The following PPP1R16A variants were observed in gnomAD, a reference collection of about 807,000 sequenced individuals.
PPP1R16A encodes the protein myosin phosphatase-targeting subunit 3.
In PPP1R16A, 39 loss-of-function variants were observed where a neutral mutation model predicts 46.6. The ratio of observed to expected loss-of-function variants is 0.84; its 90% CI spans 0.65 to 1.09. The LOEUF (loss-of-function observed/expected upper bound fraction) is 1.09. PPP1R16A is among the 50% of genes least tolerant of loss of function. The pLI is 0.00. For synonymous variants in PPP1R16A, 413 were observed against 321.5 expected, an observed-to-expected ratio of 1.28 and a Z score of -3.04; for missense variants, 798 against 735.6, an observed-to-expected ratio of 1.08 and a Z score of -0.98.
chr8:144,487,057 G>A (rs1825649005), intron 1 of PPP1R16A, among the ~76,000 whole-genome samples: 2 of 151,224 alleles, frequency 1.3e-5, no homozygotes. Context: ...GTGTGATCTC[G>A]GCTCACTGCA....
rs1271167162 is a variant in PPP1R16A, at chr8:144,501,704, G to A, written c.1388G>A (p.Arg463Gln). 2.5e-6 allele frequency: 4 copies of A among 1,601,238 alleles called. No individual in the cohort carries two copies. The highest frequency in any genetic ancestry group is 3.4e-6 in the Non-Finnish European group (4 of 1,175,042). Residue 463 changes from arginine (R) to glutamine (Q), a missense_variant, in exon 12 of 12, where the codon CGA (arginine) becomes CAA (glutamine). Transcript: ENST00000435887. ...HHTLADLKRQ[R>Q]AAAKLQRPPP... is the part of the protein sequence containing the mutation. ...ACCCTGGCTGACCTGAAGCGCCAGC[G>A]AGCTGCTGCCAAGCTGCAGCGACCC...
rs1157138356 is a variant in PPP1R16A at position 144,493,639 on chromosome 8, G to A, written c.-734-2822G>A. ...GCTTCCTTCTGAGGGTGATTCCTGG[G>A]CAGGGAGGCCAGAGGGGGACGCTTA... On this transcript the variant is annotated intron_variant, in intron 2 of 11. Coordinates refer to ENST00000435887, the MANE Select transcript of PPP1R16A (RefSeq NM_001329443.2). This position sits in a 1 kb window ranked among gnomAD's most constrained non-coding sequence, Gnocchi z 4.3. 2.0e-5 allele frequency among the ~76,000 whole-genome samples: 3 copies of A among 152,100 alleles called. No individual in the cohort carries two copies. The highest frequency in any genetic ancestry group is 1.3e-4 in the Admixed American group (2 of 15,284).
Position 144,500,918 on chromosome 8 carries a change from G to A in PPP1R16A, c.984G>A (p.Gln328=), listed in dbSNP as rs777241995. ...KHKHDALLRA[Q]SRQRSLLRRR... is the part of the protein sequence containing the mutation. ...AGCACGACGCCCTCCTGCGCGCCCA[G>A]AGCCGCCAGCGCTCCTTGCTGCGCC... The change falls in exon 10 of 12, where the codon CAG becomes CAA. Residue 328 remains glutamine, a synonymous_variant. Coordinates refer to ENST00000435887, the MANE Select transcript of PPP1R16A (RefSeq NM_001329443.2). The A allele has an allele frequency of 2.4e-5, 36 of 1,531,440 alleles. 1 individual carries two copies. The South Asian group carries it at 4.1e-4, about 17-fold the overall frequency. The allele number at this position is 1,531,440 out of a possible 1,614,324, so 94.9% of individuals were successfully genotyped here.
At position 144,499,454 on chromosome 8, in the gene PPP1R16A, C is replaced by T. The variant is rs770947301; in HGVS notation, c.476+393C>T. ...GGCCTTTACCTTTAACACAGAGGGA[C>T]GTAGAGCGGGGGGAACTCTGAGCAG... is the stretch of plus-strand genomic sequence containing the variant. On this transcript the variant is annotated intron_variant, in intron 5 of 11. Transcript: ENST00000435887. 1.8e-5 allele frequency: 4 copies of T among 221,546 alleles called. No homozygotes were observed. In the South Asian group the frequency reaches 3.4e-4, roughly 19 times the overall value. The allele number at this position is 221,546 out of a possible 1,614,324, so 13.7% of individuals were successfully genotyped here.
chr8:144,497,236 G>T lies in PPP1R16A; in HGVS notation c.42G>T (p.Val14=). ...HLELLAEMPM[V]GRMSTQERLK... is the part of the protein sequence containing the mutation. ...AGCTGCTGGCAGAGATGCCCATGGT[G>T]GGCAGGATGAGCACACAGGAGCGGC... is the stretch of plus-strand genomic sequence containing the variant. The change falls in exon 3 of 12, where the codon GTG becomes GTT. Residue 14 remains valine (V), a synonymous_variant. Coordinates refer to ENST00000435887, the MANE Select transcript of PPP1R16A (RefSeq NM_001329443.2). 6.2e-7 allele frequency: 1 copy of T among 1,602,792 alleles called. No individual in the cohort carries two copies. The highest frequency in any genetic ancestry group is 2.3e-5 in the East Asian group (1 of 44,304).
At chr8:144,487,833 G>A (rs1404180063) in intron 1 of PPP1R16A, among the ~76,000 whole-genome samples, 1 of 152,186 alleles carries the variant, frequency 6.6e-6, no homozygotes, top group Non-Finnish European at 1.5e-5. Context: ...TTGGCCTTTT[G>A]TGTTTCCATA....
chr8:144,492,211 G>A lies in PPP1R16A; in HGVS notation c.-735+1999G>A, dbSNP rs896313739. Among the ~76,000 whole-genome samples, 3 of 152,312 alleles carry A rather than the reference G, an allele frequency of 2.0e-5. No individual in the cohort carries two copies. The East Asian group carries it at 5.8e-4, about 29-fold the overall frequency. ...CACTCGGGCTTTCACCCTGCGATGTGCGGCCAGAGGGCAGGCAGGCTCACT... is the reference window on the plus strand; with the variant it reads ...CACTCGGGCTTTCACCCTGCGATGTACGGCCAGAGGGCAGGCAGGCTCACT... On this transcript the variant is annotated intron_variant, in intron 2 of 11. Transcript: ENST00000435887.
At chr8:144,494,401 C>T (rs556311075) in intron 2 of PPP1R16A, among the ~76,000 whole-genome samples, 1 of 152,146 alleles carries the variant, frequency 6.6e-6, no homozygotes, top group African/African-American at 2.4e-5. Context: ...CAGCCTCTAC[C>T]TCCCGGGCTC....
At chr8:144,485,054 C>T (rs914628172) in intron 1 of PPP1R16A, among the ~76,000 whole-genome samples, 2 of 151,816 alleles carry the variant, frequency 1.3e-5, no homozygotes, top group Non-Finnish European at 2.9e-5. Context: ...GAATCTCATG[C>T]CAGGGGCCAG....
Position 144,490,379 on chromosome 8 carries a change from G to A in PPP1R16A, c.-735+167G>A, listed in dbSNP as rs1321580597. ...AAAATTAGCCTGTGTGGTGGTGGGC[G>A]TCTGTAATCCCAGCTACTTGGGAGA... On this transcript the variant is annotated intron_variant, in intron 2 of 11. Transcript: ENST00000435887. 4.6e-5 allele frequency among the ~76,000 whole-genome samples: 7 copies of A among 152,300 alleles called. No homozygotes were observed. In the South Asian group the frequency reaches 1.2e-3, roughly 27 times the overall value.
intron 2 of PPP1R16A, among the ~76,000 whole-genome samples, chr8:144,492,150 G>A (rs753958452): frequency 6.6e-6 from 1 of 152,126 alleles, no homozygotes; most frequent in Admixed American, 6.5e-5. Flanking sequence ...CGGGGCTCCC[G>A]TGCTGACCGC....
rs1486723450 is a variant in PPP1R16A at position 144,500,493 on chromosome 8, G to C, written c.712G>C (p.Val238Leu). ...GCCGGGCGCTTGCCTGCAGCTGCACGTCGCAGCCGCCAACGGGTTCAGCGA... is the reference window on the plus strand; with the variant it reads ...GCCGGGCGCTTGCCTGCAGCTGCACCTCGCAGCCGCCAACGGGTTCAGCGA... Reference protein sequence around the residue: ...PLDHGATLLHVAAANGFSEAA... With the variant: ...PLDHGATLLHLAAANGFSEAA... Residue 238 changes from valine (V) to leucine (L), a missense_variant, in exon 8 of 12, where the codon GTC becomes CTC. Physicochemically the swap from Val to Leu is conservative, Grantham distance 32. Transcript: ENST00000435887. The C allele has an allele frequency of 6.3e-7, 1 of 1,582,848 alleles. No individual in the cohort carries two copies. The highest frequency in any genetic ancestry group is 8.5e-7 in the Non-Finnish European group (1 of 1,172,950).
At chr8:144,487,152 T>A (rs1231333743) in intron 1 of PPP1R16A, among the ~76,000 whole-genome samples, 2 of 152,098 alleles carry the variant, frequency 1.3e-5, no homozygotes, top group Non-Finnish European at 2.9e-5. Context: ...CACAACCGGC[T>A]AATTTTTTGT....
intron 1 of PPP1R16A, chr8:144,478,434 G>T: frequency 3.4e-6 from 1 of 290,630 alleles, no homozygotes; most frequent in Non-Finnish European, 6.4e-6. Context: ...GTTGCTGGCT[G>T]AGGCCCAGGG....
chr8:144,497,278 G>A lies in PPP1R16A; in HGVS notation c.84G>A (p.Lys28=), dbSNP rs762602393. Residue 28 remains lysine, a synonymous_variant, in exon 3 of 12, where the codon AAG becomes AAA. Coordinates refer to ENST00000435887, the MANE Select transcript of PPP1R16A (RefSeq NM_001329443.2). ...AGGAGCGGCTGAAGCATGCCCAGAA[G>A]CGGCGCGCCCAGCAGGTGAAGATGT... ...STQERLKHAQ[K]RRAQQVKMWA... The A allele has an allele frequency of 1.4e-5, 22 of 1,611,258 alleles. No individual in the cohort carries two copies. The highest frequency in any genetic ancestry group is 1.8e-5 in the Non-Finnish European group (21 of 1,179,370).
chr8:144,499,346 T>A (rs1826277728), intron 5 of PPP1R16A: 3 of 465,308 alleles, frequency 6.4e-6, no homozygotes, highest in Non-Finnish European at 1.1e-5. Flanking sequence ...TCTTGGTCAG[T>A]GAGGAGGGCA....
At chr8:144,489,772 C>G (rs1011652759) in intron 1 of PPP1R16A, among the ~76,000 whole-genome samples, 5 of 152,230 alleles carry the variant, frequency 3.3e-5, no homozygotes, top group African/African-American at 1.2e-4. Context: ...CTCCCCAGGG[C>G]GCAGCCAGAC....
chr8:144,500,426 G>C (rs1019767706), intron 7 of PPP1R16A, 35 bp downstream of exon 7: 11 of 1,523,028 alleles, frequency 7.2e-6, no homozygotes, highest in Non-Finnish European at 8.8e-6. Context: ...CACGGGGCTG[G>C]GGGCCTCGCT....
intron 1 of PPP1R16A, among the ~76,000 whole-genome samples, chr8:144,481,887 C>T (rs189102916): frequency 7.2e-5 from 11 of 152,122 alleles, no homozygotes; most frequent in African/African-American, 2.4e-4. Flanking sequence ...AAGCAATTCT[C>T]CTGCCTCAGC....
Sources: allele counts gnomAD v4.1 joint callset (sites outside exome capture counted in the v4.1 genomes callset), GRCh38; gene constraint gnomAD v4.1.1; non-coding constraint Gnocchi (gnomAD v3.1); transcripts MANE v1.5; gene names NCBI Gene and HGNC (gene_info 2026-07-23, HGNC 2026-07-21).